The following STAC variants were observed in gnomAD, a reference collection of about 807,000 sequenced individuals.
STAC encodes SH3 and cysteine-rich domain-containing protein.
Under a neutral mutation model 48.8 loss-of-function variants are expected in STAC, and 43 were observed. The observed-to-expected ratio is 0.88, with a 90% CI of 0.69 to 1.14. STAC has a LOEUF of 1.14. STAC is among the 50% of genes most tolerant of loss of function. STAC has a pLI of 0.00. For missense variants in STAC, 497 were observed against 504.0 expected, an observed-to-expected ratio of 0.99 and a Z score of 0.13; for synonymous variants, 193 against 179.5, an observed-to-expected ratio of 1.07 and a Z score of -0.60.
intron 1 of STAC, among the ~76,000 whole-genome samples, chr3:36,413,740 T>A (rs1365370440): frequency 6.6e-6 from 1 of 152,188 alleles, no homozygotes; most frequent in Non-Finnish European, 1.5e-5. Flanking sequence ...GTTATTTTGC[T>A]CATTAGTTGA....
At chr3:36,499,873 AT>A (rs905272179) in intron 6 of STAC, among the ~76,000 whole-genome samples, 2 of 152,108 alleles carry the variant, frequency 1.3e-5, no homozygotes, top group African/African-American at 4.8e-5. Flanking sequence ...GCAAAAAAAA[AT>A]ATATAGCTGT....
intron 7 of STAC, 126 bp downstream of exon 7, chr3:36,504,583 A>G (rs1283702893): frequency 1.4e-6 from 1 of 729,088 alleles, no homozygotes; most frequent in Non-Finnish European, 2.4e-6. Flanking sequence ...GAATAGAATA[A>G]TATAGCACAA....
chr3:36,479,779 G>A lies in STAC; in HGVS notation c.389-3213G>A, dbSNP rs1327407760. 2.0e-5 allele frequency among the ~76,000 whole-genome samples: 3 copies of A among 152,300 alleles called. No individual in the cohort carries two copies. In the South Asian group the frequency reaches 6.2e-4, roughly 32 times the overall value. ...TTTCCTACTCTACTCAGGCATAAGG[G>A]TCACTTGCAGCAATGACTTTGTGAT... On this transcript the variant is annotated intron_variant, in intron 2 of 10. Coordinates refer to ENST00000273183, the MANE Select transcript of STAC (RefSeq NM_003149.3).
chr3:36,402,792 TCCCA>T (rs1700022134), intron 1 of STAC, among the ~76,000 whole-genome samples: 1 of 152,152 alleles, frequency 6.6e-6, no homozygotes, highest in African/African-American at 2.4e-5. Context: ...GCCTGCTTGA[TCCCA>T]CCCACGTATC....
chr3:36,419,047 C>CAAA lies in STAC; in HGVS notation c.112-24302_112-24300dup, dbSNP rs1193056059. On this transcript the variant is annotated intron_variant, in intron 1 of 10. Transcript: ENST00000273183. ...GGGCAACGAGAGTGAAACTCCGACTCAAAAAAAAAAAAAAAAAGAAATTAT... is the reference window on the plus strand; with the variant it reads ...GGGCAACGAGAGTGAAACTCCGACTCAAAAAAAAAAAAAAAAAAAAGAAATTAT... Among the ~76,000 whole-genome samples, 35 of 90,524 alleles carry CAAA rather than the reference C, an allele frequency of 3.9e-4. 2 individuals are homozygous for CAAA. In the Middle Eastern group the frequency reaches 0.022, roughly 58 times the overall value. The allele number at this position is 90,524 out of a possible 152,430, so 59.4% of individuals were successfully genotyped here.
At chr3:36,417,723 G>GA (rs1700351914) in intron 1 of STAC, among the ~76,000 whole-genome samples, 1 of 152,116 alleles carries the variant, frequency 6.6e-6, no homozygotes, top group African/African-American at 2.4e-5. Flanking sequence ...GTATAGGTTT[G>GA]AAAAAAGATG....
chr3:36,446,811 T>A (rs1482810465), intron 2 of STAC, among the ~76,000 whole-genome samples: 1 of 152,232 alleles, frequency 6.6e-6, no homozygotes, highest in Admixed American at 6.5e-5. Context: ...AGACACAGCA[T>A]ATTAAATGGA....
chr3:36,520,427 G>A (rs763343261), intron 8 of STAC, among the ~76,000 whole-genome samples: 23 of 152,108 alleles, frequency 1.5e-4, no homozygotes, highest in Non-Finnish European at 2.5e-4. Context: ...GAGGTTTCCC[G>A]ATTCTGTCAA....
chr3:36,482,905 T>G, intron 2 of STAC, 87 bp from the exon 3 acceptor site: 1 of 851,470 alleles, frequency 1.2e-6, no homozygotes, highest in Non-Finnish European at 1.9e-6. Context: ...AAGAATTACC[T>G]GGGGAACCTC....
chr3:36,500,402 A>C (rs1188053593), intron 6 of STAC, among the ~76,000 whole-genome samples: 1 of 152,222 alleles, frequency 6.6e-6, no homozygotes, highest in Admixed American at 6.5e-5. Context: ...CAATGAGAAC[A>C]CATGGACCCA....
intron 2 of STAC, among the ~76,000 whole-genome samples, chr3:36,444,998 T>C (rs1696469099): frequency 6.6e-6 from 1 of 152,226 alleles, no homozygotes; most frequent in Non-Finnish European, 1.5e-5. Context: ...TCTGTGTCAC[T>C]TTCAATTTCC....
chr3:36,438,015 T>G (rs1575199360), intron 1 of STAC, among the ~76,000 whole-genome samples: 2 of 151,366 alleles, frequency 1.3e-5, no homozygotes, highest in African/African-American at 2.4e-5. Flanking sequence ...CTTGGTTCAC[T>G]GCAACCTTGC....
intron 1 of STAC, among the ~76,000 whole-genome samples, chr3:36,430,871 G>A (rs1412916407): frequency 6.6e-6 from 1 of 152,082 alleles, no homozygotes; most frequent in African/African-American, 2.4e-5. Context: ...CAGTCAGATC[G>A]GACTAGGGTA....
intron 2 of STAC, among the ~76,000 whole-genome samples, chr3:36,452,531 T>C (rs762769994): frequency 5.3e-5 from 8 of 152,220 alleles, no homozygotes; most frequent in Non-Finnish European, 1.0e-4. Context: ...TATTTAATAG[T>C]TGGCCAATAT....
intron 2 of STAC, among the ~76,000 whole-genome samples, chr3:36,474,861 G>A (rs1451436936): frequency 6.6e-6 from 1 of 152,118 alleles, no homozygotes; most frequent in African/African-American, 2.4e-5. Flanking sequence ...ATTGCCTAAT[G>A]GTGCATAAGA....
At chr3:36,469,078 C>T (rs1053741695) in intron 2 of STAC, among the ~76,000 whole-genome samples, 4 of 152,088 alleles carry the variant, frequency 2.6e-5, no homozygotes, top group Non-Finnish European at 5.9e-5. Context: ...GCATTTAGGT[C>T]ATTTACATTC....
Position 36,380,655 on chromosome 3 carries a change from G to T in STAC, c.12G>T (p.Pro4=), listed in dbSNP as rs201025890. MIP[P]SSPREDGVDG... The stretch of plus-strand genomic sequence containing the variant: ...CCCGCGCGGCCACGATGATCCCTCC[G>T]AGCAGCCCCCGCGAGGACGGCGTGG... The change falls in exon 1 of 11, where the codon CCG becomes CCT. Residue 4 remains proline (P), a synonymous_variant. Coordinates refer to ENST00000273183, the MANE Select transcript of STAC (RefSeq NM_003149.3). 717 of 1,594,888 alleles carry T rather than the reference G, an allele frequency of 4.5e-4. 4 individuals are homozygous for T. Among genetic ancestry groups the T allele is most frequent in the Non-Finnish European group, 4.3e-4 (505 of 1,170,972 alleles).
intron 1 of STAC, among the ~76,000 whole-genome samples, chr3:36,436,000 C>T (rs1275291864): frequency 6.6e-6 from 1 of 152,180 alleles, no homozygotes; most frequent in African/African-American, 2.4e-5. Context: ...TCCATGTCTG[C>T]ACTTCACTGC....
intron 6 of STAC, among the ~76,000 whole-genome samples, chr3:36,493,456 G>A (rs1213968411): frequency 6.6e-6 from 1 of 151,320 alleles, no homozygotes; most frequent in Non-Finnish European, 1.5e-5. Flanking sequence ...CTTTATGAGA[G>A]TATATTTACT....
Sources: gnomAD v4.1 joint callset for allele counts (sites outside exome capture counted in the v4.1 genomes callset) on GRCh38, gnomAD v4.1.1 for gene constraint, MANE v1.5 for transcripts, NCBI Gene and HGNC (gene_info 2026-07-23, HGNC 2026-07-21) for gene names.